The following LOC128462377 variants were observed in gnomAD, a reference collection of about 807,000 sequenced individuals.
chr16:89,411,428 T>C, the LOC128462377 span, among the ~76,000 whole-genome samples: 1 of 152,230 alleles, frequency 6.6e-6, no homozygotes, highest in African/African-American at 2.4e-5. Context: ...CTTCCTTTTT[T>C]CTTTTTCTTG....
chr16:89,386,638 A>T, the LOC128462377 span, among the ~76,000 whole-genome samples: 1 of 152,176 alleles, frequency 6.6e-6, no homozygotes, highest in African/African-American at 2.4e-5. Context: ...CAGAATCACA[A>T]ATCTCTTCTC....
the LOC128462377 span, among the ~76,000 whole-genome samples, chr16:89,347,199 C>T: frequency 1.1e-4 from 16 of 152,156 alleles, no homozygotes; most frequent in Admixed American, 1.0e-3. Flanking sequence ...CACAGCAGCA[C>T]CTGGGTGAGG....
chr16:89,337,816 G>A, the LOC128462377 span, among the ~76,000 whole-genome samples: 67 of 152,264 alleles, frequency 4.4e-4, no homozygotes, highest in South Asian at 7.0e-3. Flanking sequence ...CAAGTCGCAC[G>A]AGCAAGGCTG....
At chr16:89,409,783 C>T in the LOC128462377 span, among the ~76,000 whole-genome samples, 3 of 152,176 alleles carry the variant, frequency 2.0e-5, no homozygotes, top group African/African-American at 7.2e-5. Context: ...AAAATCTGAT[C>T]ACATCTAAAC....
chr16:89,375,756 G>A, the LOC128462377 span, among the ~76,000 whole-genome samples: 67 of 125,758 alleles, frequency 5.3e-4, 2 homozygotes, highest in Middle Eastern at 9.4e-3. Flanking sequence ...GCACCCAGCC[G>A]ACTCCGTCTC....
chr16:89,338,301 C>T, the LOC128462377 span, among the ~76,000 whole-genome samples: 2 of 152,048 alleles, frequency 1.3e-5, no homozygotes, highest in African/African-American at 2.4e-5. Context: ...TTAGTCCCTC[C>T]CCTACCAAGC....
chr16:89,373,550 G>A, the LOC128462377 span: 1 of 152,270 alleles, frequency 6.6e-6, no homozygotes, highest in African/African-American at 2.4e-5. Flanking sequence ...GCTAAATATG[G>A]CTCATAGCAG....
the LOC128462377 span, among the ~76,000 whole-genome samples, chr16:89,406,396 C>T: frequency 2.9e-4 from 44 of 152,318 alleles, no homozygotes; most frequent in Admixed American, 7.8e-4. Flanking sequence ...AAACACCAGC[C>T]GGCGCGCTCT....
the LOC128462377 span, among the ~76,000 whole-genome samples, chr16:89,379,213 G>A: frequency 6.6e-6 from 1 of 152,238 alleles, no homozygotes; most frequent in Admixed American, 6.5e-5. Flanking sequence ...TAGAAGGGGT[G>A]CACACCGTCT....
At chr16:89,339,953 A>G in the LOC128462377 span, 1 of 152,088 alleles carries the variant, frequency 6.6e-6, no homozygotes, top group African/African-American at 2.4e-5. Context: ...TTTCCCTTCA[A>G]GTTGTGCTCT....
chr16:89,347,268 G>A, the LOC128462377 span, among the ~76,000 whole-genome samples: 5 of 152,150 alleles, frequency 3.3e-5, no homozygotes, highest in Admixed American at 6.5e-5. Flanking sequence ...CCTGACTGTC[G>A]CACATGTGTG....
chr16:89,413,241 T>C, the LOC128462377 span, among the ~76,000 whole-genome samples: 1 of 152,262 alleles, frequency 6.6e-6, no homozygotes, highest in Non-Finnish European at 1.5e-5. Flanking sequence ...AATGGAGTTA[T>C]TTATCTTGGC....
At chr16:89,399,305 G>A in the LOC128462377 span, among the ~76,000 whole-genome samples, 2 of 152,088 alleles carry the variant, frequency 1.3e-5, 1 homozygote, top group South Asian at 4.1e-4. Flanking sequence ...TAGGTGAGTG[G>A]ATTAAACACC....
the LOC128462377 span, among the ~76,000 whole-genome samples, chr16:89,376,501 G>T: frequency 6.6e-6 from 1 of 152,184 alleles, no homozygotes; most frequent in Non-Finnish European, 1.5e-5. Context: ...GCAGTGGCAT[G>T]ATCTCAGCTC....
At chr16:89,353,374 AAGT>A in the LOC128462377 span, among the ~76,000 whole-genome samples, 1 of 151,142 alleles carries the variant, frequency 6.6e-6, no homozygotes, top group Admixed American at 6.6e-5. Flanking sequence ...GAGAGAGAGA[AAGT>A]AAACAAAGTT....
At chr16:89,352,187 G>A in the LOC128462377 span, among the ~76,000 whole-genome samples, 3 of 152,120 alleles carry the variant, frequency 2.0e-5, no homozygotes, top group Non-Finnish European at 4.4e-5. Flanking sequence ...ATTGCACCTG[G>A]CCGATTATCT....
chr16:89,329,801 G>T, the LOC128462377 span, among the ~76,000 whole-genome samples: 1 of 152,222 alleles, frequency 6.6e-6, no homozygotes, highest in East Asian at 1.9e-4. Flanking sequence ...TTGAGGTCAG[G>T]AGTTCGAAAC....
At chr16:89,390,788 T>A in the LOC128462377 span, among the ~76,000 whole-genome samples, 1 of 152,138 alleles carries the variant, frequency 6.6e-6, no homozygotes, top group Non-Finnish European at 1.5e-5. Context: ...GTTGTCTAAC[T>A]CTGGGGAGGA....
the LOC128462377 span, among the ~76,000 whole-genome samples, chr16:89,411,211 C>T: frequency 6.6e-6 from 1 of 152,266 alleles, no homozygotes; most frequent in Non-Finnish European, 1.5e-5. Flanking sequence ...ACCACATCCC[C>T]TCTCGTGTGT....
Sources: gnomAD v4.1 joint callset for allele counts (sites outside exome capture counted in the v4.1 genomes callset) on GRCh38, gnomAD v4.1.1 for gene constraint, MANE v1.5 for transcripts.